The following ZNF536 variants were observed in gnomAD, a reference collection of about 807,000 sequenced individuals.
ZNF536 encodes zinc finger protein 536.
A neutral mutation model predicts 84.5 loss-of-function variants in ZNF536; 13 were observed. The observed-to-expected ratio is 0.15, with a 90% CI of 0.10 to 0.24. The LOEUF is 0.24. ZNF536 is among the 10% of genes least tolerant of loss of function. ZNF536 has a pLI of 1.00. For synonymous variants in ZNF536, 811 were observed against 742.5 expected (o/e 1.09, Z -1.50); for missense variants, 1,536 against 1,747.5 (o/e 0.88, Z 2.16).
intron 2 of ZNF536, among the ~76,000 whole-genome samples, chr19:30,464,175 C>T (rs1045295496): frequency 1.3e-5 from 2 of 152,056 alleles, no homozygotes; most frequent in South Asian, 2.1e-4. Flanking sequence ...GTGATCACAT[C>T]GCTGCTTACG....
At chr19:30,658,082 G>A (rs988439276) in intron 1 of ZNF536, among the ~76,000 whole-genome samples, 1 of 151,288 alleles carries the variant, frequency 6.6e-6, no homozygotes, top group Non-Finnish European at 1.5e-5. Flanking sequence ...GAGTGCAGTG[G>A]CGCAATCTCG....
chr19:30,512,596 A>G (rs183961534), intron 2 of ZNF536, among the ~76,000 whole-genome samples: 17 of 152,024 alleles, frequency 1.1e-4, no homozygotes, highest in African/African-American at 3.9e-4. Context: ...TGTGGGTTAG[A>G]GGTCCCTTGA....
intron 2 of ZNF536, among the ~76,000 whole-genome samples, chr19:30,351,622 T>C (rs2047933496): frequency 6.6e-6 from 1 of 152,120 alleles, no homozygotes; most frequent in South Asian, 2.1e-4. Flanking sequence ...ATGGCTGCTA[T>C]ATTTGAGCAC....
chr19:30,379,066 G>A (rs535121157), intron 1 of ZNF536, among the ~76,000 whole-genome samples: 27 of 152,306 alleles, frequency 1.8e-4, no homozygotes, highest in East Asian at 1.2e-3. Flanking sequence ...CACATGTGCC[G>A]TCACCTTGAA....
chr19:30,701,217 ACG>A (rs1247881776), intron 1 of ZNF536, among the ~76,000 whole-genome samples: 1 of 149,212 alleles, frequency 6.7e-6, no homozygotes, highest in African/African-American at 2.5e-5. Flanking sequence ...ACACACACAC[ACG>A]CAAACACACA....
At chr19:30,598,859 C>T (rs907373168) in intron 1 of ZNF536, among the ~76,000 whole-genome samples, 4 of 150,856 alleles carry the variant, frequency 2.7e-5, no homozygotes, top group African/African-American at 9.8e-5. Context: ...TCTTTTCTTC[C>T]TTCCCTTCTT....
At chr19:30,433,727 C>T (rs567420777) in intron 1 of ZNF536, among the ~76,000 whole-genome samples, 5 of 152,250 alleles carry the variant, frequency 3.3e-5, no homozygotes, top group South Asian at 4.1e-4. Context: ...AGACTCCTGA[C>T]CTCAGGTGAT....
At chr19:30,267,886 GACACAC>G (rs527610187) in intron 1 of ZNF536, among the ~76,000 whole-genome samples, 1 of 150,484 alleles carries the variant, frequency 6.6e-6, no homozygotes, top group Non-Finnish European at 1.5e-5. Flanking sequence ...GTGTGACAGA[GACACAC>G]ACACACACAC....
intron 1 of ZNF536, among the ~76,000 whole-genome samples, chr19:30,574,509 C>A (rs910829812): frequency 2.0e-5 from 3 of 152,218 alleles, no homozygotes; most frequent in Non-Finnish European, 2.9e-5. Context: ...TGACCTCTTT[C>A]CCTCACTGAT....
chr19:30,623,055 T>C (rs1196609830), intron 1 of ZNF536, among the ~76,000 whole-genome samples: 1 of 150,594 alleles, frequency 6.6e-6, no homozygotes, highest in Non-Finnish European at 1.5e-5. Flanking sequence ...TTTGTTTTTT[T>C]GAGATGGGAT....
At chr19:30,380,381 C>T (rs2048976741) in intron 1 of ZNF536, among the ~76,000 whole-genome samples, 2 of 152,118 alleles carry the variant, frequency 1.3e-5, no homozygotes, top group South Asian at 4.1e-4. Context: ...AGACGGGCCA[C>T]CCTGCAGTGC....
At chr19:30,547,044 T>A (rs905688405) in intron 3 of ZNF536, among the ~76,000 whole-genome samples, 3 of 152,344 alleles carry the variant, frequency 2.0e-5, no homozygotes, top group South Asian at 4.1e-4. Context: ...TAAAACACTC[T>A]TTAAAGCTAT....
At chr19:30,449,080 C>T (rs547546321) in intron 2 of ZNF536, among the ~76,000 whole-genome samples, 1 of 152,300 alleles carries the variant, frequency 6.6e-6, no homozygotes, top group African/African-American at 2.4e-5. Context: ...AAACTAGGAC[C>T]TCTGACAAAT....
intron 2 of ZNF536, among the ~76,000 whole-genome samples, chr19:30,478,931 C>T (rs910375473): frequency 8.5e-5 from 13 of 152,130 alleles, no homozygotes; most frequent in Admixed American, 2.6e-4. Context: ...CTCATCCTTC[C>T]GAGGCCATTT....
At chr19:30,659,895 A>G (rs964210124) in intron 1 of ZNF536, among the ~76,000 whole-genome samples, 17 of 151,294 alleles carry the variant, frequency 1.1e-4, no homozygotes, top group African/African-American at 3.9e-4. Flanking sequence ...ACTTGGACTC[A>G]CCTTTCTGCA....
At chr19:30,290,063 G>A (rs143275262) in intron 2 of ZNF536, among the ~76,000 whole-genome samples, 5 of 152,020 alleles carry the variant, frequency 3.3e-5, no homozygotes, top group Non-Finnish European at 7.4e-5. Context: ...CATCCACTAT[G>A]CACCTGTCTG....
At chr19:30,364,048 A>G (rs1048945112) in intron 3 of ZNF536, among the ~76,000 whole-genome samples, 1 of 152,198 alleles carries the variant, frequency 6.6e-6, no homozygotes, top group South Asian at 2.1e-4. Context: ...CTTAGGATAC[A>G]GGTGTGAGAT....
At position 30,404,826 on chromosome 19, in the gene ZNF536, C is replaced by T. The variant is rs8111431; in HGVS notation, c.-3+32270C>T. The stretch of plus-strand genomic sequence containing the variant: ...ATCTACCCAGAGATCCCACAGGTTG[C>T]GAGCTCAGTCCCCAAGACGGTCCTG... On this transcript the variant is annotated intron_variant, in intron 1 of 4. Coordinates refer to ENST00000355537, the MANE Select transcript of ZNF536 (RefSeq NM_014717.3). Among the ~76,000 whole-genome samples the T allele has an allele frequency of 7.2e-5, 11 of 152,060 alleles. No homozygotes were observed. The South Asian group carries it at 1.0e-3, about 14-fold the overall frequency.
intron 1 of ZNF536, among the ~76,000 whole-genome samples, chr19:30,597,248 T>C (rs1243622323): frequency 6.6e-6 from 1 of 152,070 alleles, no homozygotes; most frequent in Non-Finnish European, 1.5e-5. Flanking sequence ...CTAGTCTAAA[T>C]ATATATATAT....
Sources: allele counts gnomAD v4.1 joint callset (sites outside exome capture counted in the v4.1 genomes callset), GRCh38; gene constraint gnomAD v4.1.1; transcripts MANE v1.5; gene names NCBI Gene and HGNC (gene_info 2026-07-23, HGNC 2026-07-21).